Variants in C9orf153 observed in about 807,000 individuals in gnomAD.
The protein encoded by C9orf153 is uncharacterized protein C9orf153.
Under a neutral mutation model 9.0 loss-of-function variants are expected in C9orf153, and 10 were observed. The observed-to-expected ratio is 1.11, with a 90% CI of 0.69 to 1.89. The LOEUF (loss-of-function observed/expected upper bound fraction) is 1.89, where lower values mean the gene tolerates loss of function less well. C9orf153 is among the 40% of genes most tolerant of loss of function. The probability of loss-of-function intolerance (pLI) is 0.00; values close to 1 mark genes in which losing one functional copy is unlikely to be tolerated. For synonymous variants in C9orf153, 35 were observed against 37.3 expected (o/e 0.94, Z 0.23); for missense variants, 108 against 111.0 (o/e 0.97, Z 0.12).
chr9:86,246,400 C>T (rs538041910), intron 1 of C9orf153, among the ~76,000 whole-genome samples: 485 of 152,168 alleles, frequency 3.2e-3, no homozygotes, highest in Non-Finnish European at 5.8e-3. Context: ...GCTTGGACTT[C>T]CTAAGCCAGT....
intron 1 of C9orf153, among the ~76,000 whole-genome samples, chr9:86,257,896 G>A (rs551558538): frequency 9.5e-4 from 145 of 152,252 alleles, no homozygotes; most frequent in African/African-American, 2.7e-3. Flanking sequence ...GGGAATGAGC[G>A]GTGTGGGCAG....
chr9:86,239,257 T>TAA (rs57839282), intron 1 of C9orf153, among the ~76,000 whole-genome samples: 2,055 of 145,306 alleles, frequency 0.014, 43 homozygotes, highest in African/African-American at 0.039. Flanking sequence ...GAGACTCTGT[T>TAA]AAAAAAAAAA....
At chr9:86,255,681 T>C (rs1021214400) in intron 1 of C9orf153, among the ~76,000 whole-genome samples, 4 of 152,242 alleles carry the variant, frequency 2.6e-5, no homozygotes, top group Non-Finnish European at 4.4e-5. Flanking sequence ...CTCAAGATGG[T>C]ATGTAAGCTT....
At chr9:86,231,461 A>G (rs1243713345) in intron 1 of C9orf153, among the ~76,000 whole-genome samples, 1 of 152,064 alleles carries the variant, frequency 6.6e-6, no homozygotes, top group Non-Finnish European at 1.5e-5. Context: ...AGTGTCTGAG[A>G]TGAACCAAAA....
intron 1 of C9orf153, among the ~76,000 whole-genome samples, chr9:86,232,972 A>G (rs1375418648): frequency 6.6e-6 from 1 of 152,020 alleles, no homozygotes; most frequent in African/African-American, 2.4e-5. Flanking sequence ...ACCTCAAGTG[A>G]TCCACCCACC....
At chr9:86,229,472 A>C (rs2131178192) in intron 2 of C9orf153, 66 bp downstream of exon 2, 1 of 1,128,264 alleles carries the variant, frequency 8.9e-7, no homozygotes, top group African/African-American at 1.5e-5. Context: ...CAATAGTTTG[A>C]ATGTTTATGA....
At chr9:86,223,122 G>A (rs1351802954) in intron 3 of C9orf153, among the ~76,000 whole-genome samples, 1 of 152,196 alleles carries the variant, frequency 6.6e-6, no homozygotes, top group Non-Finnish European at 1.5e-5. Context: ...ATCTTTGGAG[G>A]CCTGGCATAG....
chr9:86,254,039 C>T (rs555812366), intron 1 of C9orf153, among the ~76,000 whole-genome samples: 97 of 147,282 alleles, frequency 6.6e-4, no homozygotes, highest in South Asian at 3.3e-3. Flanking sequence ...TGCAGTGAGC[C>T]GAGATTGCGC....
intron 1 of C9orf153, among the ~76,000 whole-genome samples, chr9:86,244,131 A>C (rs1437540675): frequency 2.6e-5 from 4 of 152,218 alleles, no homozygotes; most frequent in Non-Finnish European, 5.9e-5. Context: ...AAAGTATCTC[A>C]TTAGGGATTT....
At chr9:86,255,964 T>A (rs1327553922) in intron 1 of C9orf153, among the ~76,000 whole-genome samples, 2 of 152,244 alleles carry the variant, frequency 1.3e-5, no homozygotes, top group Admixed American at 6.5e-5. Context: ...TTTCAGATGT[T>A]CATTGTGGCA....
intron 1 of C9orf153, among the ~76,000 whole-genome samples, chr9:86,229,881 A>T (rs1380186925): frequency 2.0e-5 from 3 of 152,152 alleles, no homozygotes; most frequent in Non-Finnish European, 4.4e-5. Flanking sequence ...AGGCCTCAGG[A>T]AACTTACAAT....
At chr9:86,238,418 A>G (rs1824651939) in intron 1 of C9orf153, among the ~76,000 whole-genome samples, 1 of 152,242 alleles carries the variant, frequency 6.6e-6, no homozygotes, top group Non-Finnish European at 1.5e-5. Flanking sequence ...AAAGGAATAG[A>G]AAATCATACA....
intron 1 of C9orf153, among the ~76,000 whole-genome samples, chr9:86,235,446 T>C (rs1215699795): frequency 1.3e-5 from 2 of 152,050 alleles, no homozygotes; most frequent in Non-Finnish European, 2.9e-5. Flanking sequence ...CAACAGAACG[T>C]TCCAAACCTG....
At position 86,229,655 on chromosome 9, in the gene C9orf153, C is replaced by A. The variant is rs367844546; in HGVS notation, c.-26-26G>T. The A allele has an allele frequency of 2.1e-4, 284 of 1,328,210 alleles. No homozygotes were observed. The African/African-American group carries it at 3.9e-3, about 18-fold the overall frequency. 82.3% of individuals were successfully genotyped at this position (1,328,210 alleles called of 1,614,324 possible). ...CTAAAAAAAGCAATATGAGAAAAGACAAAAATCAAAGATTAAAAATCAGAT... is the reference window on the plus strand; with the variant it reads ...CTAAAAAAAGCAATATGAGAAAAGAAAAAAATCAAAGATTAAAAATCAGAT... On this transcript the variant is annotated intron_variant, in intron 1 of 3. Transcript: ENST00000339137.
intron 1 of C9orf153, among the ~76,000 whole-genome samples, chr9:86,250,975 C>T (rs1416430511): frequency 1.3e-5 from 2 of 152,206 alleles, no homozygotes; most frequent in African/African-American, 4.8e-5. Context: ...CTCATAGCAG[C>T]CTCAAACTCC....
intron 3 of C9orf153, among the ~76,000 whole-genome samples, chr9:86,222,801 GC>G (rs1265886884): frequency 1.3e-5 from 2 of 152,152 alleles, no homozygotes; most frequent in Non-Finnish European, 2.9e-5. Context: ...CAGCAGACAA[GC>G]AGGATGACTG....
In C9orf153 at chr9:86,223,263, A is replaced by G. The variant is rs1291273396; in HGVS notation, c.243-1530T>C. Among the ~76,000 whole-genome samples the G allele has an allele frequency of 2.6e-5, 4 of 152,048 alleles. No individual in the cohort carries two copies. In the East Asian group the frequency reaches 7.8e-4, roughly 29 times the overall value. ...GGTGACCCACCTACCTCGGCCTCCC[A>G]AAATGACCAGCCTGGCCAACAGGGA... On this transcript the variant is annotated intron_variant, in intron 3 of 3. Transcript: ENST00000339137.
At chr9:86,224,830 A>G (rs893859953) in intron 3 of C9orf153, among the ~76,000 whole-genome samples, 3 of 148,710 alleles carry the variant, frequency 2.0e-5, no homozygotes, top group Admixed American at 1.4e-4. Context: ...TCCCAGCTAC[A>G]TGGGAGAGGC....
At chr9:86,236,536 G>A (rs1306088151) in intron 1 of C9orf153, among the ~76,000 whole-genome samples, 4 of 134,224 alleles carry the variant, frequency 3.0e-5, no homozygotes, top group Non-Finnish European at 6.2e-5. Flanking sequence ...GTGACAGGGC[G>A]AGACTCCATC....
Sources: gnomAD v4.1 joint callset for allele counts (sites outside exome capture counted in the v4.1 genomes callset) on GRCh38, gnomAD v4.1.1 for gene constraint, MANE v1.5 for transcripts, NCBI Gene and HGNC (gene_info 2026-07-23, HGNC 2026-07-21) for gene names.